The following NKAIN2 variants were observed in gnomAD, a reference collection of about 807,000 sequenced individuals.
NKAIN2 encodes sodium/potassium transporting ATPase interacting 2, also known as sodium/potassium-transporting ATPase subunit beta-1-interacting protein 2.
In NKAIN2, 14 loss-of-function variants were observed where a neutral mutation model predicts 32.6. The ratio of observed to expected loss-of-function variants is 0.43; its 90% confidence interval spans 0.28 to 0.67. NKAIN2 has a LOEUF of 0.67. Ranked by LOEUF, NKAIN2 falls within the 30% of genes least tolerant of loss-of-function variation. The pLI is 0.17. For missense variants in NKAIN2, 198 were observed against 258.3 expected (o/e 0.77, Z 1.60); for synonymous variants, 80 against 87.2 (o/e 0.92, Z 0.46).
intron 3 of NKAIN2, among the ~76,000 whole-genome samples, chr6:124,535,025 T>G (rs1320173191): frequency 6.6e-6 from 1 of 152,234 alleles, no homozygotes; most frequent in Non-Finnish European, 1.5e-5. Context: ...CATAATACAA[T>G]GTAAATGCTA....
At chr6:124,167,979 T>A (rs1421227844) in intron 1 of NKAIN2, among the ~76,000 whole-genome samples, 1 of 152,188 alleles carries the variant, frequency 6.6e-6, no homozygotes, top group Non-Finnish European at 1.5e-5. Context: ...TTTCCTTCTC[T>A]TTTGAGAATC....
chr6:124,680,180 T>A (rs1773548812), intron 4 of NKAIN2, among the ~76,000 whole-genome samples: 2 of 152,174 alleles, frequency 1.3e-5, no homozygotes, highest in South Asian at 4.1e-4. Context: ...GCTATTTGAA[T>A]ATGGGACCTT....
At chr6:124,059,557 T>G (rs1213857312) in intron 1 of NKAIN2, among the ~76,000 whole-genome samples, 1 of 152,174 alleles carries the variant, frequency 6.6e-6, no homozygotes, top group Non-Finnish European at 1.5e-5. Flanking sequence ...GCAGGGATTT[T>G]TGTGTGCATA....
intron 1 of NKAIN2, among the ~76,000 whole-genome samples, chr6:124,018,152 C>A (rs1269699060): frequency 1.3e-5 from 2 of 152,194 alleles, no homozygotes; most frequent in Admixed American, 1.3e-4. Context: ...GGGCTTCCAG[C>A]CTCTGAAGCC....
At position 123,804,147 on chromosome 6, in the gene NKAIN2, G is replaced by A. The variant is rs1773114437; in HGVS notation, c.-54G>A. 3.3e-6 allele frequency: 5 copies of A among 1,523,000 alleles called. No homozygotes were observed. Among genetic ancestry groups the A allele is most frequent in the South Asian group, 2.2e-5 (2 of 89,264 alleles). 94.3% of individuals were successfully genotyped at this position (1,523,000 alleles called of 1,614,324 possible). ...CGCGATCTGATTGGATAAAGTGGGG[G>A]CTCGACGGTGGCCGACGTGGGACAG... On this transcript the variant is annotated 5_prime_UTR_variant, in exon 1 of 7. Transcript: ENST00000368417.
At chr6:124,115,897 G>T (rs1291417463) in intron 1 of NKAIN2, among the ~76,000 whole-genome samples, 6 of 151,946 alleles carry the variant, frequency 3.9e-5, no homozygotes, top group Middle Eastern at 3.4e-3. Flanking sequence ...TTTTTGTTTT[G>T]AATAATGTTG....
intron 3 of NKAIN2, among the ~76,000 whole-genome samples, chr6:124,409,802 G>A (rs529061225): frequency 2.0e-4 from 30 of 152,190 alleles, no homozygotes; most frequent in Admixed American, 5.2e-4. Context: ...GGTAGAATTC[G>A]GCTGTGAATC....
At chr6:124,244,692 A>T (rs1047356380) in intron 1 of NKAIN2, among the ~76,000 whole-genome samples, 1 of 152,034 alleles carries the variant, frequency 6.6e-6, no homozygotes, top group African/African-American at 2.4e-5. Flanking sequence ...TCAAACACAA[A>T]AACTTAAGCA....
At chr6:124,258,897 C>T (rs1794085645) in intron 1 of NKAIN2, among the ~76,000 whole-genome samples, 2 of 152,092 alleles carry the variant, frequency 1.3e-5, no homozygotes, top group African/African-American at 2.4e-5. Context: ...TACGTAGTTC[C>T]AAGGCATTTT....
At chr6:124,489,611 TC>T (rs1329089150) in intron 3 of NKAIN2, among the ~76,000 whole-genome samples, 2 of 151,880 alleles carry the variant, frequency 1.3e-5, no homozygotes, top group Admixed American at 6.6e-5. Context: ...GTGTTGAATA[TC>T]TCATATAATT....
At chr6:124,199,362 C>G (rs1790496416) in intron 1 of NKAIN2, among the ~76,000 whole-genome samples, 1 of 152,158 alleles carries the variant, frequency 6.6e-6, no homozygotes, top group African/African-American at 2.4e-5. Flanking sequence ...AGTCCCATGT[C>G]CTTGCCCTCT....
chr6:124,710,002 A>C (rs144875890), intron 4 of NKAIN2, among the ~76,000 whole-genome samples: 1 of 151,794 alleles, frequency 6.6e-6, no homozygotes, highest in East Asian at 1.9e-4. Context: ...ACTGCTTCAA[A>C]TGTGTCCCAG....
chr6:123,982,583 C>T (rs2114668426), intron 1 of NKAIN2, among the ~76,000 whole-genome samples: 1 of 152,132 alleles, frequency 6.6e-6, no homozygotes, highest in Middle Eastern at 3.4e-3. Flanking sequence ...AAGATGGAAA[C>T]ATAAAACCGT....
chr6:124,758,374 C>T (rs138101897), intron 4 of NKAIN2, among the ~76,000 whole-genome samples: 14 of 152,192 alleles, frequency 9.2e-5, no homozygotes, highest in East Asian at 3.9e-4. Flanking sequence ...TTGCCCCTTC[C>T]GCCCTGTGAG....
intron 1 of NKAIN2, among the ~76,000 whole-genome samples, chr6:123,817,178 T>C (rs1188157029): frequency 6.6e-6 from 1 of 152,102 alleles, no homozygotes; most frequent in Non-Finnish European, 1.5e-5. Flanking sequence ...GGAGTGATTA[T>C]GGAAAGAGTA....
intron 4 of NKAIN2, among the ~76,000 whole-genome samples, chr6:124,691,967 C>G (rs1774277829): frequency 6.6e-6 from 1 of 152,118 alleles, no homozygotes; most frequent in African/African-American, 2.4e-5. Context: ...TCTTCATGAT[C>G]ATCAAATGAT....
chr6:124,343,773 T>G (rs9401732), intron 2 of NKAIN2, among the ~76,000 whole-genome samples: 2,747 of 149,298 alleles, frequency 0.018, 31 homozygotes, highest in Non-Finnish European at 0.028. Flanking sequence ...TTCTCCCATT[T>G]TGTAGGTTGC....
rs1435029101 is a variant in NKAIN2 at position 124,240,072 on chromosome 6, G to A, written c.55-42933G>A. Among the ~76,000 whole-genome samples the A allele has an allele frequency of 2.6e-5, 4 of 152,066 alleles. No individual in the cohort carries two copies. The East Asian group carries it at 7.7e-4, about 29-fold the overall frequency. On this transcript the variant is annotated intron_variant, in intron 1 of 6. Transcript: ENST00000368417. ...AAATGATAAAGGGGATATCACTACT[G>A]ATCCCATAGAAATACAAACTACCAT...
chr6:124,384,699 C>A (rs2114388350), intron 3 of NKAIN2, among the ~76,000 whole-genome samples: 2 of 145,390 alleles, frequency 1.4e-5, no homozygotes, highest in Middle Eastern at 7.1e-3. Flanking sequence ...TGGCTCACTG[C>A]AGCCTCAGCC....
Sources: gnomAD v4.1 joint callset for allele counts (sites outside exome capture counted in the v4.1 genomes callset) on GRCh38, gnomAD v4.1.1 for gene constraint, MANE v1.5 for transcripts, NCBI Gene and HGNC (gene_info 2026-07-23, HGNC 2026-07-21) for gene names.